The following RAB4A variants were observed in gnomAD, a reference collection of about 807,000 sequenced individuals.
RAB4A encodes RAB4A, member RAS oncogene family.
A neutral mutation model predicts 34.5 loss-of-function variants in RAB4A; 20 were observed. The ratio of observed to expected loss-of-function variants is 0.58; its 90% CI spans 0.41 to 0.84. The LOEUF (loss-of-function observed/expected upper bound fraction) is 0.84, where lower values mean the gene tolerates loss of function less well. RAB4A is among the 40% of genes least tolerant of loss of function. The probability of loss-of-function intolerance (pLI) is 0.00; values close to 1 mark genes in which losing one functional copy is unlikely to be tolerated. For missense variants in RAB4A, 228 were observed against 274.5 expected, an observed-to-expected ratio of 0.83 and a Z score of 1.20; for synonymous variants, 102 against 100.0, an observed-to-expected ratio of 1.02 and a Z score of -0.12.
chr1:229,281,844 A>ATATATATATC (rs1379099905), intron 1 of RAB4A, among the ~76,000 whole-genome samples: 5 of 122,890 alleles, frequency 4.1e-5, no homozygotes, highest in African/African-American at 1.6e-4. Flanking sequence ...ATATATATAT[A>ATATATATATC]TATCATAGTT....
At chr1:229,271,428 C>T (rs895158544) in intron 1 of RAB4A, 58 bp downstream of exon 1, 324 of 1,181,966 alleles carry the variant, frequency 2.7e-4, no homozygotes, top group Middle Eastern at 6.6e-4. Context: ...GTCGGTGGCG[C>T]GGGGCCGGGC....
intron 2 of RAB4A, among the ~76,000 whole-genome samples, chr1:229,288,491 A>C (rs992641122): frequency 3.3e-5 from 5 of 152,134 alleles, no homozygotes; most frequent in African/African-American, 1.2e-4. Context: ...TAGGTTTTTA[A>C]ATGTATCATT....
chr1:229,304,488 C>G lies in RAB4A; in HGVS notation c.*695C>G, dbSNP rs576542844. Reference sequence around the variant, plus strand: ...AGGAAGTATATCTGGAGTACCTGCTCTGTTTTTGGCTGTGAGACTAGCACT... The same window carrying G: ...AGGAAGTATATCTGGAGTACCTGCTGTGTTTTTGGCTGTGAGACTAGCACT... On this transcript the variant is annotated 3_prime_UTR_variant, in exon 8 of 8. Coordinates refer to ENST00000366690, the MANE Select transcript of RAB4A (RefSeq NM_004578.4). The G allele has an allele frequency of 1.3e-5, 2 of 152,332 alleles. No homozygotes were observed. The highest frequency in any genetic ancestry group is 3.9e-4 in the East Asian group (2 of 5,186). 9.4% of individuals were successfully genotyped at this position (152,332 alleles called of 1,614,324 possible). A position where few individuals can be genotyped will look rare whatever the true frequency, so the allele number is the denominator to read the frequency against.
chr1:229,279,142 A>C (rs1040044831), intron 1 of RAB4A, among the ~76,000 whole-genome samples: 2 of 152,206 alleles, frequency 1.3e-5, no homozygotes, highest in African/African-American at 4.8e-5. Context: ...CCCAAATTCT[A>C]GTGCTATACC....
At chr1:229,276,401 T>C (rs1389164185) in intron 1 of RAB4A, among the ~76,000 whole-genome samples, 2 of 151,506 alleles carry the variant, frequency 1.3e-5, no homozygotes, top group Non-Finnish European at 2.9e-5. Flanking sequence ...TCATTTGAAC[T>C]GTAAAGTATT....
intron 1 of RAB4A, among the ~76,000 whole-genome samples, chr1:229,273,736 C>G (rs1278064147): frequency 6.6e-6 from 1 of 152,198 alleles, no homozygotes; most frequent in East Asian, 1.9e-4. Context: ...GAGACTCTGT[C>G]TCAAAAAAAG....
chr1:229,295,870 C>T lies in RAB4A; in HGVS notation c.250C>T (p.Arg84Ter), dbSNP rs779534597. ...RFRSVTRSYY[R>*]GAAGALLVYD... ...CAGGTCCGTGACGAGAAGTTATTACCGAGGCGCGGCCGGGGCTCTCCTCGT... is the reference window on the plus strand; with the variant it reads ...CAGGTCCGTGACGAGAAGTTATTACTGAGGCGCGGCCGGGGCTCTCCTCGT... The change falls in exon 4 of 8, where the codon CGA becomes TGA. Residue 84 changes from arginine (R) to a stop codon, truncating the protein, a stop_gained. Coordinates refer to ENST00000366690, the MANE Select transcript of RAB4A (RefSeq NM_004578.4). LOFTEE classifies it high-confidence loss of function. 34 of 1,613,842 alleles carry T rather than the reference C, an allele frequency of 2.1e-5. No individual in the cohort carries two copies. Among genetic ancestry groups the T allele is most frequent in the Non-Finnish European group, 2.5e-5 (29 of 1,179,966 alleles).
chr1:229,272,014 C>T (rs1162937517), intron 1 of RAB4A, among the ~76,000 whole-genome samples: 1 of 152,118 alleles, frequency 6.6e-6, no homozygotes, highest in East Asian at 1.9e-4. Flanking sequence ...AAGCAAAGCC[C>T]TGGCTGTTTA....
chr1:229,283,898 T>TTTA (rs142903325), intron 1 of RAB4A, among the ~76,000 whole-genome samples: 35,920 of 148,938 alleles, frequency 0.24, 4,919 homozygotes, highest in African/African-American at 0.39. Flanking sequence ...GGCTAATTTT[T>TTTA]TTATTATTAT....
In RAB4A at chr1:229,299,023, A is replaced by G. The variant is rs776193761; in HGVS notation, c.492A>G (p.Glu164=). The change falls in exon 6 of 8, where the codon GAA becomes GAG. Residue 164 remains glutamate, a synonymous_variant. Transcript: ENST00000366690. ...GTGCGCTCACAGGGGAGAATGTAGA[A>G]GAGGCTTTTGTACAGTGTGCAAGAA... ...ETSALTGENV[E]EAFVQCARKI... 43 of 1,611,312 alleles carry G rather than the reference A, an allele frequency of 2.7e-5. No homozygotes were observed. The highest frequency in any genetic ancestry group is 3.6e-5 in the Non-Finnish European group (42 of 1,179,474).
At chr1:229,286,355 C>A in intron 1 of RAB4A, 131 bp from the exon 2 acceptor site, 1 of 602,008 alleles carries the variant, frequency 1.7e-6, no homozygotes, top group Non-Finnish European at 2.9e-6. Flanking sequence ...ATTGTCATTT[C>A]ACAAGATACT....
intron 1 of RAB4A, among the ~76,000 whole-genome samples, chr1:229,284,259 C>T (rs1269990455): frequency 2.0e-5 from 3 of 151,872 alleles, no homozygotes; most frequent in Non-Finnish European, 4.4e-5. Flanking sequence ...ACCACCACGC[C>T]TGGCTCATTG....
intron 6 of RAB4A, among the ~76,000 whole-genome samples, chr1:229,302,309 A>ATTTTTTTTTTTTT (rs869095524): frequency 2.8e-5 from 1 of 35,900 alleles, no homozygotes; most frequent in South Asian, 1.6e-3. Flanking sequence ...ATATATATAT[A>ATTTTTTTTTTTTT]TTTTTTTTTT....
chr1:229,275,258 G>T (rs1656610054), intron 1 of RAB4A, among the ~76,000 whole-genome samples: 1 of 152,194 alleles, frequency 6.6e-6, no homozygotes, highest in Non-Finnish European at 1.5e-5. Context: ...CAGAGAGAAA[G>T]AGATGTGAGG....
chr1:229,275,614 CTT>C (rs1028884521), intron 1 of RAB4A, among the ~76,000 whole-genome samples: 87 of 131,040 alleles, frequency 6.6e-4, no homozygotes, highest in African/African-American at 2.1e-3. Context: ...ATTTCTTTTC[CTT>C]TTTTTTTTTT....
intron 1 of RAB4A, among the ~76,000 whole-genome samples, chr1:229,280,673 CA>C (rs1656757630): frequency 6.6e-6 from 1 of 152,118 alleles, no homozygotes; most frequent in Non-Finnish European, 1.5e-5. Flanking sequence ...GAAAAACTTA[CA>C]AAACTGTTGC....
intron 6 of RAB4A, among the ~76,000 whole-genome samples, chr1:229,302,309 A>ATATATT (rs1657431515): frequency 2.8e-5 from 1 of 35,900 alleles, no homozygotes; most frequent in African/African-American, 8.1e-5. Context: ...ATATATATAT[A>ATATATT]TTTTTTTTTT....
intron 1 of RAB4A, among the ~76,000 whole-genome samples, chr1:229,278,422 T>G (rs1463397688): frequency 2.0e-5 from 3 of 152,142 alleles, no homozygotes; most frequent in Non-Finnish European, 2.9e-5. Context: ...CACCTCTCTC[T>G]CCACATCAGC....
chr1:229,279,275 GA>G (rs1234228828), intron 1 of RAB4A, among the ~76,000 whole-genome samples: 1 of 152,186 alleles, frequency 6.6e-6, no homozygotes, highest in Non-Finnish European at 1.5e-5. Context: ...ATTGCTTGGG[GA>G]AAAAACTAGG....
Sources: gnomAD v4.1 joint callset for allele counts (sites outside exome capture counted in the v4.1 genomes callset) on GRCh38, gnomAD v4.1.1 for gene constraint, MANE v1.5 for transcripts, NCBI Gene and HGNC (gene_info 2026-07-23, HGNC 2026-07-21) for gene names.